The following FGD4 variants were observed in gnomAD, a reference collection of about 807,000 sequenced individuals.
FGD4 encodes the protein FYVE, RhoGEF and PH domain containing 4.
Under a neutral mutation model 102.0 loss-of-function variants are expected in FGD4, and 42 were observed. That is an observed-to-expected ratio of 0.41 (90% CI 0.32 to 0.53). The LOEUF (loss-of-function observed/expected upper bound fraction) is 0.53, where lower values mean the gene tolerates loss of function less well. Ranked by LOEUF, FGD4 falls within the 20% of genes least tolerant of loss-of-function variation. The pLI is 0.21. For synonymous variants in FGD4, 380 were observed against 375.7 expected (o/e 1.01, Z -0.13); for missense variants, 902 against 1,078.2 (o/e 0.84, Z 2.29).
chr12:32,629,125 G>A (rs1199706062), intron 14 of FGD4, among the ~76,000 whole-genome samples: 3 of 152,188 alleles, frequency 2.0e-5, no homozygotes, highest in African/African-American at 7.2e-5. Flanking sequence ...CTGGAATGGT[G>A]TAGGTAGGAA....
chr12:32,486,019 T>C (rs1943888343), intron 1 of FGD4: 1 of 1,457,252 alleles, frequency 6.9e-7, no homozygotes. Context: ...GTGTCTAGTG[T>C]CTAAATACAG....
intron 1 of FGD4, among the ~76,000 whole-genome samples, chr12:32,429,315 G>A (rs1394201503): frequency 6.6e-6 from 1 of 152,150 alleles, no homozygotes; most frequent in Non-Finnish European, 1.5e-5. Context: ...TTTGCTGGAG[G>A]TCCATTCCAG....
chr12:32,441,359 T>C (rs764735241), intron 1 of FGD4, among the ~76,000 whole-genome samples: 20 of 151,998 alleles, frequency 1.3e-4, no homozygotes, highest in Non-Finnish European at 2.4e-4. Flanking sequence ...ACTTTGCTGG[T>C]GATGAATGCT....
intron 1 of FGD4, among the ~76,000 whole-genome samples, chr12:32,485,027 G>C (rs1019186633): frequency 3.9e-5 from 6 of 152,182 alleles, no homozygotes; most frequent in Admixed American, 3.9e-4. Flanking sequence ...TCAGCCTGTT[G>C]AGTAGCTGGG....
intron 3 of FGD4, among the ~76,000 whole-genome samples, chr12:32,578,040 T>C (rs1946271129): frequency 6.6e-6 from 1 of 152,240 alleles, no homozygotes; most frequent in South Asian, 2.1e-4. Context: ...TTTTTCCACT[T>C]AATGTTTTTT....
chr12:32,407,933 AT>A lies in FGD4; in HGVS notation c.166+7980del, dbSNP rs546389587. On this transcript the variant is annotated intron_variant, in intron 1 of 16. Coordinates refer to ENST00000534526, the MANE Select transcript of FGD4 (RefSeq NM_001370298.3). ...GCCCCTTTACTCTCATTTATAGGCT[AT>A]TTTTTCCCCTCCTCACCCCCAATGA... is the stretch of plus-strand genomic sequence containing the variant. Among the ~76,000 whole-genome samples, 233 of 151,718 alleles carry A rather than the reference AT, an allele frequency of 1.5e-3. 1 individual carries two copies. The highest frequency in any genetic ancestry group is 5.5e-3 in the African/African-American group (226 of 41,360).
At chr12:32,639,410 C>T (rs1197558264) in intron 16 of FGD4, among the ~76,000 whole-genome samples, 1 of 152,184 alleles carries the variant, frequency 6.6e-6, no homozygotes, top group Admixed American at 6.6e-5. Flanking sequence ...GTGATCCGCC[C>T]ACCTCGGCCT....
intron 16 of FGD4, 31 bp from the exon 17 acceptor site, chr12:32,640,245 C>G: frequency 6.2e-7 from 1 of 1,614,132 alleles, no homozygotes; most frequent in Non-Finnish European, 8.5e-7. Flanking sequence ...AATACATCAC[C>G]TGCTTTTAAT....
intron 4 of FGD4, among the ~76,000 whole-genome samples, chr12:32,591,874 C>T (rs1247276466): frequency 6.6e-6 from 1 of 152,106 alleles, no homozygotes; most frequent in African/African-American, 2.4e-5. Flanking sequence ...GGTGTGAAGG[C>T]AGACAGTAAC....
intron 3 of FGD4, among the ~76,000 whole-genome samples, chr12:32,580,266 T>C (rs1232860309): frequency 6.6e-6 from 1 of 152,194 alleles, no homozygotes; most frequent in African/African-American, 2.4e-5. Context: ...TTGGAATTAT[T>C]GTGAGGATGA....
intron 1 of FGD4, among the ~76,000 whole-genome samples, chr12:32,530,941 G>GTTT (rs768536136): frequency 0.046 from 3,242 of 70,436 alleles, 656 homozygotes; most frequent in African/African-American, 0.09. Flanking sequence ...CCTAGCTTTG[G>GTTT]TTTTTTTTTT....
intron 4 of FGD4, among the ~76,000 whole-genome samples, chr12:32,586,235 T>C (rs138675363): frequency 2.8e-3 from 427 of 152,282 alleles, no homozygotes; most frequent in Non-Finnish European, 3.2e-3. Flanking sequence ...GTTTAAAAAG[T>C]TTAAAAATCT....
chr12:32,502,122 A>G, intron 1 of FGD4: 5 of 985,468 alleles, frequency 5.1e-6, no homozygotes, highest in Non-Finnish European at 6.0e-6. Flanking sequence ...GCTGGTTACC[A>G]TGGAATCCAC....
intron 1 of FGD4, among the ~76,000 whole-genome samples, chr12:32,488,410 T>C (rs1479903551): frequency 6.6e-6 from 1 of 152,040 alleles, no homozygotes; most frequent in Non-Finnish European, 1.5e-5. Flanking sequence ...AATATGATTA[T>C]ACGGTCAGAA....
At chr12:32,435,498 A>AGTGTGTGTGT (rs3076971) in intron 1 of FGD4, among the ~76,000 whole-genome samples, 17,472 of 149,636 alleles carry the variant, frequency 0.12, 1,116 homozygotes, top group Middle Eastern at 0.24. Flanking sequence ...CAATTAAAAA[A>AGTGTGTGTGT]GTGTGTGTGT....
At chr12:32,623,096 GCTT>G (rs138976752) in intron 11 of FGD4, among the ~76,000 whole-genome samples, 2,020 of 152,146 alleles carry the variant, frequency 0.013, 34 homozygotes, top group African/African-American at 0.044. Context: ...GTACATTTGT[GCTT>G]CTTCTACTTT....
intron 12 of FGD4, 46 bp from the exon 13 acceptor site, chr12:32,624,930 A>T: frequency 6.7e-7 from 1 of 1,481,698 alleles, no homozygotes; most frequent in Non-Finnish European, 9.4e-7. Flanking sequence ...TCATTGGTTT[A>T]TATGAGAAAC....
At chr12:32,509,946 T>A (rs999851140) in intron 1 of FGD4, among the ~76,000 whole-genome samples, 1 of 152,162 alleles carries the variant, frequency 6.6e-6, no homozygotes, top group African/African-American at 2.4e-5. Context: ...AAACACATAG[T>A]TCTAACTACA....
chr12:32,406,824 G>GT (rs1455095815), intron 1 of FGD4, among the ~76,000 whole-genome samples: 2 of 151,190 alleles, frequency 1.3e-5, no homozygotes, highest in African/African-American at 2.4e-5. Context: ...TTTGCTTTTT[G>GT]TTTTTTTGAG....
Sources: gnomAD v4.1 joint callset for allele counts (sites outside exome capture counted in the v4.1 genomes callset) on GRCh38, gnomAD v4.1.1 for gene constraint, MANE v1.5 for transcripts, NCBI Gene and HGNC (gene_info 2026-07-23, HGNC 2026-07-21) for gene names.